Variants in ZNF444 observed in about 807,000 individuals in gnomAD.
ZNF444 encodes the protein zinc finger protein 444.
A neutral mutation model predicts 14.4 loss-of-function variants in ZNF444; 8 were observed. The ratio of observed to expected loss-of-function variants is 0.56; its 90% CI spans 0.33 to 1.00. The LOEUF is 1.00. Ranked by LOEUF, ZNF444 falls within the 50% of genes least tolerant of loss-of-function variation. ZNF444 has a pLI of 0.03. For missense variants in ZNF444, 510 were observed against 504.8 expected (o/e 1.01, Z -0.10); for synonymous variants, 258 against 235.9 (o/e 1.09, Z -0.86).
upstream of ZNF444, among the ~76,000 whole-genome samples, chr19:56,137,024 C>G (rs1165452244): frequency 4.6e-5 from 7 of 151,300 alleles, no homozygotes; most frequent in Non-Finnish European, 8.8e-5. Context: ...CTCAGGTAAT[C>G]CACCTGCCTC....
In ZNF444 at chr19:56,144,907, T is replaced by G. The variant is rs2031073480; in HGVS notation, c.-196-1340T>G. ...CATCAGGGTCCCTTCTGTCTTGATCTTCCAGTGTCCTTGAGGTCAGGGGCC... is the reference window on the plus strand; with the variant it reads ...CATCAGGGTCCCTTCTGTCTTGATCGTCCAGTGTCCTTGAGGTCAGGGGCC... On this transcript the variant is annotated intron_variant, in intron 1 of 4. Coordinates refer to ENST00000337080, the MANE Select transcript of ZNF444 (RefSeq NM_018337.4). This position sits in a 1 kb window ranked among gnomAD's most constrained non-coding sequence, Gnocchi z 4.0. Among the ~76,000 whole-genome samples, 1 of 152,244 alleles carries G rather than the reference T, an allele frequency of 6.6e-6. No homozygotes were observed. The highest frequency in any genetic ancestry group is 2.4e-5 in the African/African-American group (1 of 41,474).
At position 56,160,176 on chromosome 19, in the gene ZNF444, C is replaced by T; in HGVS notation, c.959C>T (p.Pro320Leu). Reference protein sequence around the residue: ...AVAPGPDGGGPFPPWPLG With the variant: ...AVAPGPDGGGLFPPWPLG ...GCTCCGGGCCCGGATGGTGGAGGCC[C>T]CTTCCCGCCCTGGCCCTTGGGTTAG... is the stretch of plus-strand genomic sequence containing the variant. The change falls in exon 5 of 5, where the codon CCC becomes CTC. Residue 320 changes from proline (P) to leucine (L), a missense_variant. By Grantham distance (98) the Pro-to-Leu change is moderately conservative. Transcript: ENST00000337080. The T allele has an allele frequency of 6.8e-7, 1 of 1,470,834 alleles. No individual in the cohort carries two copies. Among genetic ancestry groups the T allele is most frequent in the South Asian group, 1.3e-5 (1 of 76,020 alleles). The allele number at this position is 1,470,834 out of a possible 1,614,324, so 91.1% of individuals were successfully genotyped here.
chr19:56,149,647 C>G (rs566754771), intron 3 of ZNF444, among the ~76,000 whole-genome samples: 6 of 152,242 alleles, frequency 3.9e-5, no homozygotes, highest in African/African-American at 1.4e-4. Context: ...TCCCCCACCC[C>G]CCGACAGGCC....
chr19:56,150,578 C>T (rs1033757632), intron 3 of ZNF444: 64 of 429,104 alleles, frequency 1.5e-4, no homozygotes, highest in Non-Finnish European at 3.3e-5. Flanking sequence ...TTCCCATGAC[C>T]TCTCTCTCTG....
At chr19:56,138,132 C>A (rs2631625), upstream of ZNF444, among the ~76,000 whole-genome samples, 144,589 of 151,374 alleles carry the variant, frequency 0.96, 69,713 homozygotes, top group Non-Finnish European at 0.99. Flanking sequence ...TCTTAAAAAA[C>A]AAAATTCCTC....
intron 3 of ZNF444, chr19:56,155,251 C>T (rs56970488): frequency 1.3e-5 from 2 of 152,486 alleles, no homozygotes; most frequent in African/African-American, 2.4e-5. Context: ...GTCCTCCTGC[C>T]GTGGAGTGTG....
intron 3 of ZNF444, among the ~76,000 whole-genome samples, chr19:56,148,400 C>T (rs896806551): frequency 8.6e-5 from 13 of 152,016 alleles, no homozygotes; most frequent in Admixed American, 6.6e-4. Context: ...AAGTGCGTAC[C>T]GAGTGCCTGC....
At chr19:56,148,658 T>C (rs1599880089) in intron 3 of ZNF444, among the ~76,000 whole-genome samples, 1 of 152,178 alleles carries the variant, frequency 6.6e-6, no homozygotes, top group East Asian at 1.9e-4. Flanking sequence ...CTGTGCTGGC[T>C]CTGGCTTCTC....
At chr19:56,135,238 A>C (rs534684138) in intron 1 of ZNF444, among the ~76,000 whole-genome samples, 1 of 152,276 alleles carries the variant, frequency 6.6e-6, no homozygotes, top group African/African-American at 2.4e-5. Flanking sequence ...CTCAAAAAAA[A>C]GAAAAAAATG....
intron 1 of ZNF444, among the ~76,000 whole-genome samples, chr19:56,143,134 G>A (rs933763635): frequency 2.0e-5 from 3 of 152,172 alleles, no homozygotes; most frequent in Non-Finnish European, 4.4e-5. Flanking sequence ...CATAGCACAG[G>A]GCGCTCATTG....
At chr19:56,140,581 C>T (rs1313265593), upstream of ZNF444, among the ~76,000 whole-genome samples, 3 of 152,166 alleles carry the variant, frequency 2.0e-5, no homozygotes, top group East Asian at 1.9e-4. Context: ...CGCTGGCCCC[C>T]TCCTGAGCCA....
At chr19:56,133,288 G>T (rs2030531931) in intron 1 of ZNF444, among the ~76,000 whole-genome samples, 1 of 151,566 alleles carries the variant, frequency 6.6e-6, no homozygotes, top group Non-Finnish European at 1.5e-5. Context: ...GGCTAGACTG[G>T]TCTCAAACTC....
chr19:56,136,081 C>CAAAAAA (rs1199112916), intron 1 of ZNF444, among the ~76,000 whole-genome samples: 2,527 of 58,564 alleles, frequency 0.043, 353 homozygotes, highest in African/African-American at 0.17. Context: ...GATTCCGTCT[C>CAAAAAA]AAAAAAAAAA....
chr19:56,135,163 G>A (rs139642219), intron 1 of ZNF444, among the ~76,000 whole-genome samples: 245 of 152,250 alleles, frequency 1.6e-3, no homozygotes, highest in African/African-American at 5.6e-3. Context: ...CCCAGGAGGT[G>A]GAGCTTGCTG....
intron 1 of ZNF444, chr19:56,143,620 A>T (rs2030976556): frequency 6.6e-6 from 1 of 152,168 alleles, no homozygotes; most frequent in Admixed American, 6.5e-5. Flanking sequence ...CTCCTGCTGC[A>T]ACTTGGGGGT....
chr19:56,158,784 G>A (rs1216789575), intron 4 of ZNF444, among the ~76,000 whole-genome samples, 182 bp downstream of exon 4: 5 of 151,990 alleles, frequency 3.3e-5, no homozygotes, highest in Non-Finnish European at 7.4e-5. Flanking sequence ...GGGGTTGGAG[G>A]TTCATCCATC....
chr19:56,153,784 G>C (rs2031731153), intron 3 of ZNF444, among the ~76,000 whole-genome samples: 1 of 152,302 alleles, frequency 6.6e-6, no homozygotes, highest in East Asian at 1.9e-4. Context: ...GACAGGAAAT[G>C]CCCCAGTCAG....
At chr19:56,142,730 C>G (rs2030913165) in intron 1 of ZNF444, among the ~76,000 whole-genome samples, 1 of 152,264 alleles carries the variant, frequency 6.6e-6, no homozygotes, top group African/African-American at 2.4e-5. Context: ...AGAAATGAAG[C>G]ACAGAGGGGG....
chr19:56,147,252 T>C lies in ZNF444; in HGVS notation c.297+44T>C. On this transcript the variant is annotated intron_variant, in intron 3 of 4. Coordinates refer to ENST00000337080, the MANE Select transcript of ZNF444 (RefSeq NM_018337.4). The surrounding 1 kb of genome is among the most constrained non-coding windows in gnomAD (Gnocchi z 5.9). ...CAAGCGGGGAAGGGAGAGGGGAAGG[T>C]GCCAGGGAAGCCACCAGGAAGCCCA... The C allele has an allele frequency of 7.2e-7, 1 of 1,391,700 alleles. No homozygotes were observed. The highest frequency in any genetic ancestry group is 9.3e-7 in the Non-Finnish European group (1 of 1,079,142). 86.2% of individuals were successfully genotyped at this position (1,391,700 alleles called of 1,614,324 possible).
Sources: allele counts gnomAD v4.1 joint callset (sites outside exome capture counted in the v4.1 genomes callset), GRCh38; gene constraint gnomAD v4.1.1; non-coding constraint Gnocchi (gnomAD v3.1); transcripts MANE v1.5; gene names NCBI Gene and HGNC (gene_info 2026-07-23, HGNC 2026-07-21).